Variants in NECAB1 observed in about 807,000 individuals in gnomAD.
The protein encoded by NECAB1 is N-terminal EF-hand calcium binding protein 1, also known as N-terminal EF-hand calcium-binding protein 1.
NECAB1 carries 29 observed loss-of-function variants against 57.5 expected under a neutral mutation model. That is an observed-to-expected ratio of 0.50 (90% confidence interval 0.38 to 0.69). The LOEUF (loss-of-function observed/expected upper bound fraction) is 0.69. Among genes scored for constraint, NECAB1 ranks in the 30% least tolerant of loss-of-function variants. NECAB1 has a pLI of 0.00. For synonymous variants in NECAB1, 142 were observed against 147.7 expected (o/e 0.96, Z 0.28); for missense variants, 372 against 413.8 (o/e 0.90, Z 0.88).
intron 9 of NECAB1, 65 bp downstream of exon 9, chr8:90,934,422 C>G: frequency 9.0e-7 from 1 of 1,108,756 alleles, no homozygotes; most frequent in Non-Finnish European, 1.2e-6. Context: ...TTAATTTCTT[C>G]AAAAATTAGT....
intron 2 of NECAB1, among the ~76,000 whole-genome samples, chr8:90,815,536 G>A (rs932117306): frequency 6.6e-6 from 1 of 151,810 alleles, no homozygotes; most frequent in African/African-American, 2.4e-5. Flanking sequence ...CTCTGTTCTT[G>A]TCCTATTCAC....
At chr8:90,936,241 G>A (rs1563541631) in intron 9 of NECAB1, among the ~76,000 whole-genome samples, 1 of 152,120 alleles carries the variant, frequency 6.6e-6, no homozygotes, top group Non-Finnish European at 1.5e-5. Context: ...TTATTGAGTA[G>A]AGAGGTATTT....
chr8:90,903,761 G>A (rs927720345), intron 5 of NECAB1: 1 of 152,058 alleles, frequency 6.6e-6, no homozygotes, highest in Non-Finnish European at 1.5e-5. Context: ...TCCAAGCCCT[G>A]GCAAGAAAGC....
rs569839260 is a variant in NECAB1, at chr8:90,928,869, TG to T, written c.693+571del. ...AACTACATTTTATGTTCTTAGTTAT[TG>T]TTTTTTTATTAATTTAGTTAGTACC... On this transcript the variant is annotated intron_variant, in intron 8 of 12. Transcript: ENST00000417640. Among the ~76,000 whole-genome samples, 60 of 152,320 alleles carry T rather than the reference TG, an allele frequency of 3.9e-4. 1 individual carries two copies. Among genetic ancestry groups the T allele is most frequent in the Admixed American group, 1.2e-3 (18 of 15,294 alleles).
chr8:90,802,707 A>G (rs533986107), intron 2 of NECAB1, among the ~76,000 whole-genome samples: 64 of 152,340 alleles, frequency 4.2e-4, no homozygotes, highest in African/African-American at 1.5e-3. Context: ...ACACAAAAGA[A>G]GATTATTAAT....
At chr8:90,822,719 A>G (rs762833954) in intron 2 of NECAB1, among the ~76,000 whole-genome samples, 8 of 151,860 alleles carry the variant, frequency 5.3e-5, no homozygotes, top group Admixed American at 3.9e-4. Context: ...AAGTGCAGTA[A>G]TAGCCTGTTT....
chr8:90,795,708 TCACACACACA>T lies in NECAB1; in HGVS notation c.99+3747_99+3756del, dbSNP rs59863984. Among the ~76,000 whole-genome samples, 59 of 147,876 alleles carry T rather than the reference TCACACACACA, an allele frequency of 4.0e-4. 1 individual carries two copies. The highest frequency in any genetic ancestry group is 1.3e-3 in the African/African-American group (52 of 40,448). On this transcript the variant is annotated intron_variant, in intron 1 of 12. Transcript: ENST00000417640. ...CACCTCCCATCTCACCTCATCTCTC[TCACACACACA>T]CACACACACACACACACACACACTT... is the stretch of plus-strand genomic sequence containing the variant.
At chr8:90,947,311 C>T (rs565663867) in intron 10 of NECAB1, among the ~76,000 whole-genome samples, 3,150 of 140,352 alleles carry the variant, frequency 0.022, 131 homozygotes, top group African/African-American at 0.061. Context: ...CATACACACA[C>T]ACACACACAC....
intron 12 of NECAB1, among the ~76,000 whole-genome samples, chr8:90,955,141 TATATATATG>T (rs1811007621): frequency 7.7e-6 from 1 of 129,660 alleles, no homozygotes; most frequent in South Asian, 2.3e-4. Context: ...TATATATATA[TATATATATG>T]GCCTAACTAC....
chr8:90,821,180 C>T (rs1479415129), intron 2 of NECAB1, among the ~76,000 whole-genome samples: 2 of 151,758 alleles, frequency 1.3e-5, no homozygotes, highest in Admixed American at 6.6e-5. Flanking sequence ...CACTAGATGC[C>T]TCTACTTACT....
At chr8:90,906,887 A>ATGTATG (rs199604237) in intron 5 of NECAB1, among the ~76,000 whole-genome samples, 9 of 121,670 alleles carry the variant, frequency 7.4e-5, no homozygotes, top group African/African-American at 2.6e-4. Flanking sequence ...ATATATATAT[A>ATGTATG]TATATATATA....
intron 6 of NECAB1, among the ~76,000 whole-genome samples, chr8:90,923,601 A>C (rs1810184862): frequency 6.6e-6 from 1 of 152,234 alleles, no homozygotes; most frequent in Admixed American, 6.5e-5. Flanking sequence ...CAAAAGGACA[A>C]ATCAAACACA....
intron 3 of NECAB1, among the ~76,000 whole-genome samples, chr8:90,829,051 A>T (rs956261129): frequency 6.6e-6 from 1 of 152,006 alleles, no homozygotes; most frequent in Non-Finnish European, 1.5e-5. Flanking sequence ...AAAAATTGTT[A>T]ATCTCTCAAT....
chr8:90,816,021 A>G (rs1812056091), intron 2 of NECAB1, among the ~76,000 whole-genome samples: 1 of 151,866 alleles, frequency 6.6e-6, no homozygotes, highest in Non-Finnish European at 1.5e-5. Context: ...GAATGTTTCC[A>G]TTGCTCCACT....
intron 3 of NECAB1, among the ~76,000 whole-genome samples, chr8:90,853,058 C>CA (rs1488764491): frequency 6.6e-6 from 1 of 152,224 alleles, no homozygotes; most frequent in Non-Finnish European, 1.5e-5. Flanking sequence ...TCTGGGGCTT[C>CA]AGGGGTCAAA....
chr8:90,934,231 G>T, intron 8 of NECAB1, 73 bp from the exon 9 acceptor site: 1 of 1,054,176 alleles, frequency 9.5e-7, no homozygotes, highest in South Asian at 1.6e-5. Flanking sequence ...AGAGAACTAT[G>T]ATTTGAATAT....
chr8:90,901,863 A>T (rs1809511237), intron 5 of NECAB1, among the ~76,000 whole-genome samples: 1 of 151,784 alleles, frequency 6.6e-6, no homozygotes, highest in East Asian at 1.9e-4. Flanking sequence ...ATCTATATTT[A>T]GTGTTTGGCT....
At chr8:90,803,637 C>A (rs1811798212) in intron 2 of NECAB1, among the ~76,000 whole-genome samples, 1 of 152,152 alleles carries the variant, frequency 6.6e-6, no homozygotes, top group Admixed American at 6.5e-5. Context: ...CACCTGCCCC[C>A]ACTCTGCCTT....
intron 3 of NECAB1, among the ~76,000 whole-genome samples, chr8:90,849,028 A>G (rs536575036): frequency 1.3e-5 from 2 of 152,284 alleles, no homozygotes; most frequent in South Asian, 2.1e-4. Context: ...CCCACCCCCA[A>G]TGATTCAATT....
Sources: allele counts gnomAD v4.1 joint callset (sites outside exome capture counted in the v4.1 genomes callset), GRCh38; gene constraint gnomAD v4.1.1; transcripts MANE v1.5; gene names NCBI Gene and HGNC (gene_info 2026-07-23, HGNC 2026-07-21).